Variants in LDB2 observed in about 807,000 individuals in gnomAD.
LDB2 encodes LIM domain-binding protein 2.
Under a neutral mutation model 44.3 loss-of-function variants are expected in LDB2, and 12 were observed. The observed-to-expected ratio is 0.27, with a 90% confidence interval of 0.17 to 0.44. The LOEUF (loss-of-function observed/expected upper bound fraction) is 0.44, where lower values mean the gene tolerates loss of function less well. Among genes scored for constraint, LDB2 ranks in the 20% least tolerant of loss-of-function variants. The pLI, the probability that LDB2 is intolerant of heterozygous loss-of-function variation, is 1.00. For synonymous variants in LDB2, 164 were observed against 174.8 expected (o/e 0.94, Z 0.49); for missense variants, 344 against 473.5 (o/e 0.73, Z 2.54).
At chr4:16,661,019 T>C (rs1467493491) in intron 2 of LDB2, among the ~76,000 whole-genome samples, 1 of 152,200 alleles carries the variant, frequency 6.6e-6, no homozygotes, top group Non-Finnish European at 1.5e-5. Flanking sequence ...GATTTGTCAA[T>C]AGACTTTTGA....
chr4:16,508,924 C>A (rs907082136), intron 6 of LDB2, among the ~76,000 whole-genome samples: 2 of 139,174 alleles, frequency 1.4e-5, no homozygotes, highest in African/African-American at 5.4e-5. Flanking sequence ...TTTAATCATT[C>A]TCTCTAATGG....
chr4:16,571,912 A>G (rs1414707466), intron 5 of LDB2, among the ~76,000 whole-genome samples: 2 of 152,150 alleles, frequency 1.3e-5, no homozygotes, highest in East Asian at 3.9e-4. Context: ...TCTCTTTCAC[A>G]TATTTGTTTA....
chr4:16,743,553 T>C lies in LDB2; in HGVS notation c.235+15605A>G, dbSNP rs144214744. Among the ~76,000 whole-genome samples the C allele has an allele frequency of 7.2e-3, 1,091 of 152,198 alleles. 8 individuals carry two copies. The highest frequency in any genetic ancestry group is 0.011 in the Non-Finnish European group (757 of 68,002). On this transcript the variant is annotated intron_variant, in intron 2 of 7. Coordinates refer to ENST00000304523, the MANE Select transcript of LDB2 (RefSeq NM_001290.5). Reference sequence around the variant, plus strand: ...GAGAGATTTTCCTGGGCAGGTCTGATATAATGAGGCAAGCACTTAACGTTG... The same window carrying C: ...GAGAGATTTTCCTGGGCAGGTCTGACATAATGAGGCAAGCACTTAACGTTG...
Position 16,582,009 on chromosome 4 carries a change from G to T in LDB2, c.615+3913C>A, listed in dbSNP as rs568267778. Among the ~76,000 whole-genome samples, 1 of 80,476 alleles carries T rather than the reference G, an allele frequency of 1.2e-5. No individual in the cohort carries two copies. Among genetic ancestry groups the T allele is most frequent in the Non-Finnish European group, 2.9e-5 (1 of 35,022 alleles). The allele number at this position is 80,476 out of a possible 152,430, so 52.8% of individuals were successfully genotyped here. A position where few individuals can be genotyped will look rare whatever the true frequency, so the allele number is the denominator to read the frequency against. On this transcript the variant is annotated intron_variant, in intron 5 of 7. Coordinates refer to ENST00000304523, the MANE Select transcript of LDB2 (RefSeq NM_001290.5). This position sits in a 1 kb window ranked among gnomAD's most constrained non-coding sequence, Gnocchi z 4.8. ...GAAGGAAGGGAAGGAAGGGAAGGAA[G>T]GAAGGAAGGAAGGAAGGAAGGAAGG... is the stretch of plus-strand genomic sequence containing the variant.
At chr4:16,897,749 C>A (rs903839514) in intron 1 of LDB2, among the ~76,000 whole-genome samples, 1 of 151,810 alleles carries the variant, frequency 6.6e-6, no homozygotes, top group African/African-American at 2.4e-5. Flanking sequence ...GATTTTAACA[C>A]TGAAATATAC....
At chr4:16,595,654 T>G (rs777562928) in intron 3 of LDB2, 49 bp downstream of exon 3, 1 of 1,542,456 alleles carries the variant, frequency 6.5e-7, no homozygotes, top group East Asian at 2.3e-5. Flanking sequence ...TATTCTTTAA[T>G]GCTCTCAGAG....
rs1392751678 is a variant in LDB2 at position 16,655,541 on chromosome 4, G to A, written c.236-59666C>T. On this transcript the variant is annotated intron_variant, in intron 2 of 7. Coordinates refer to ENST00000304523, the MANE Select transcript of LDB2 (RefSeq NM_001290.5). ...GTCCGTTACACAAATTTTAAAATGA[G>A]TGTCATTTGCTCCACAGACTCCAGA... Among the ~76,000 whole-genome samples, 4 of 152,180 alleles carry A rather than the reference G, an allele frequency of 2.6e-5. No individual in the cohort carries two copies. In the East Asian group the frequency reaches 7.7e-4, roughly 29 times the overall value.
intron 5 of LDB2, among the ~76,000 whole-genome samples, chr4:16,521,283 T>C (rs1725974751): frequency 1.3e-5 from 2 of 152,132 alleles, no homozygotes; most frequent in Non-Finnish European, 2.9e-5. Context: ...TCCTGCCATG[T>C]CTCATCCTAG....
intron 1 of LDB2, among the ~76,000 whole-genome samples, chr4:16,813,867 CTTTTCTTTTCT>C (rs1173263054): frequency 6.7e-6 from 1 of 150,338 alleles, no homozygotes; most frequent in Non-Finnish European, 1.5e-5. Flanking sequence ...ATTTTCTTTT[CTTTTCTTTTCT>C]TTTTTTTTTT....
At chr4:16,602,201 G>A (rs921702236) in intron 2 of LDB2, among the ~76,000 whole-genome samples, 2 of 152,098 alleles carry the variant, frequency 1.3e-5, no homozygotes, top group Non-Finnish European at 2.9e-5. Context: ...AGAAATAGAC[G>A]AGTAAGGAGA....
At chr4:16,617,169 C>G (rs1225369542) in intron 2 of LDB2, among the ~76,000 whole-genome samples, 1 of 152,132 alleles carries the variant, frequency 6.6e-6, no homozygotes, top group Non-Finnish European at 1.5e-5. Flanking sequence ...TAACAAACCC[C>G]AGCCAGACAT....
At chr4:16,668,607 G>A (rs73799216) in intron 2 of LDB2, among the ~76,000 whole-genome samples, 16,253 of 152,122 alleles carry the variant, frequency 0.11, 2,153 homozygotes, top group African/African-American at 0.32. Flanking sequence ...AAGAATAAAA[G>A]CTATATTATC....
intron 1 of LDB2, among the ~76,000 whole-genome samples, chr4:16,820,475 C>G (rs1434915804): frequency 3.3e-5 from 5 of 152,082 alleles, no homozygotes; most frequent in Admixed American, 6.6e-5. Flanking sequence ...GGGGAAAAAC[C>G]GTCAGTGATG....
At chr4:16,566,919 A>G (rs1013653354) in intron 5 of LDB2, among the ~76,000 whole-genome samples, 10 of 152,236 alleles carry the variant, frequency 6.6e-5, no homozygotes, top group Non-Finnish European at 1.5e-4. Context: ...CATAAGAGAC[A>G]TACATATTAA....
intron 1 of LDB2, among the ~76,000 whole-genome samples, chr4:16,817,465 T>C (rs903816333): frequency 6.6e-6 from 1 of 152,230 alleles, no homozygotes; most frequent in Non-Finnish European, 1.5e-5. Context: ...CCCATGGGGA[T>C]ATTCATTCCT....
At position 16,531,317 on chromosome 4, in the gene LDB2, C is replaced by T. The variant is rs186178691; in HGVS notation, c.616-19213G>A. On this transcript the variant is annotated intron_variant, in intron 5 of 7. Transcript: ENST00000304523. ...CTGTCCCAGTTCCTCTGGTACTTCC[C>T]TGTCACCCTTGCTCCCAGCAGTATC... Among the ~76,000 whole-genome samples the T allele has an allele frequency of 2.5e-4, 38 of 150,822 alleles. No homozygotes were observed. The East Asian group carries it at 7.1e-3, about 28-fold the overall frequency.
intron 1 of LDB2, among the ~76,000 whole-genome samples, chr4:16,891,914 A>G (rs1561556533): frequency 6.6e-6 from 1 of 152,176 alleles, no homozygotes; most frequent in African/African-American, 2.4e-5. Context: ...AGTAGTTACA[A>G]CCTCTGAAGC....
chr4:16,640,017 T>G (rs766556844), intron 2 of LDB2, among the ~76,000 whole-genome samples: 1 of 152,226 alleles, frequency 6.6e-6, no homozygotes, highest in Admixed American at 6.5e-5. Context: ...TTCCCAAATT[T>G]TCATCTATCC....
chr4:16,887,806 C>T (rs945228135), intron 1 of LDB2, among the ~76,000 whole-genome samples: 2 of 151,898 alleles, frequency 1.3e-5, no homozygotes, highest in African/African-American at 4.8e-5. Context: ...ATCATAGGTG[C>T]CCTGGTCAGA....
Sources: gnomAD v4.1 joint callset for allele counts (sites outside exome capture counted in the v4.1 genomes callset) on GRCh38, gnomAD v4.1.1 for gene constraint, Gnocchi (gnomAD v3.1) non-coding constraint, MANE v1.5 for transcripts, NCBI Gene and HGNC (gene_info 2026-07-23, HGNC 2026-07-21) for gene names.